The following MARK2 variants were observed in gnomAD, a reference collection of about 807,000 sequenced individuals.
The protein encoded by MARK2 is serine/threonine-protein kinase MARK2.
MARK2 carries 16 observed loss-of-function variants against 89.8 expected under a neutral mutation model. The ratio of observed to expected loss-of-function variants is 0.18; its 90% confidence interval spans 0.12 to 0.27. MARK2 has a LOEUF of 0.27. MARK2 is among the 10% of genes least tolerant of loss of function. The pLI is 1.00. For synonymous variants in MARK2, 382 were observed against 399.5 expected, an observed-to-expected ratio of 0.96 and a Z score of 0.52; for missense variants, 621 against 1,049.9, an observed-to-expected ratio of 0.59 and a Z score of 5.65.
intron 18 of MARK2, among the ~76,000 whole-genome samples, chr11:63,908,668 C>A (rs893602364): frequency 6.6e-6 from 1 of 152,170 alleles, no homozygotes; most frequent in African/African-American, 2.4e-5. Flanking sequence ...CCCGCCTACC[C>A]CAAGGCTGGC....
rs760780052 is a variant in MARK2, at chr11:63,895,260, C to G, written c.156C>G (p.Asn52Lys). The change falls in exon 2 of 19, where the codon AAC (asparagine) becomes AAG (lysine). Residue 52 changes from asparagine (N) to lysine (K), a missense_variant. Asn to Lys is a moderately conservative substitution (Grantham distance 94, BLOSUM62 0). Transcript: ENST00000402010. ...TSADEQPHIG[N>K]YRLLKTIGKG... ...CTGATGAGCAGCCCCACATTGGAAA[C>G]TACCGGCTCCTCAAGACCATTGGCA... 4 of 1,614,146 alleles carry G rather than the reference C, an allele frequency of 2.5e-6. No homozygotes were observed. The highest frequency in any genetic ancestry group is 3.4e-6 in the Non-Finnish European group (4 of 1,180,022).
At chr11:63,869,915 G>A in intron 1 of MARK2, among the ~76,000 whole-genome samples, 1 of 150,750 alleles carries the variant, frequency 6.6e-6, no homozygotes, top group East Asian at 1.9e-4. Context: ...CATCCATACA[G>A]GAAGACACTC....
rs1378728417 is a variant in MARK2, at chr11:63,910,335, C to G, written c.*1098C>G. 6.6e-6 allele frequency: 1 copy of G among 152,526 alleles called. No individual in the cohort carries two copies. Among genetic ancestry groups the G allele is most frequent in the Non-Finnish European group, 1.5e-5 (1 of 68,266 alleles). The allele number at this position is 152,526 out of a possible 1,614,324, so 9.4% of individuals were successfully genotyped here. Reference sequence around the variant, plus strand: ...GCCTTTTCTTCCTGACACTGTCGCCCCCTCCTCTCAGGAGACACTGCCGAG... The same window carrying G: ...GCCTTTTCTTCCTGACACTGTCGCCGCCTCCTCTCAGGAGACACTGCCGAG... On this transcript the variant is annotated 3_prime_UTR_variant, in exon 19 of 19. Transcript: ENST00000402010.
At chr11:63,859,540 T>C (rs1472371411) in intron 1 of MARK2, among the ~76,000 whole-genome samples, 1 of 152,056 alleles carries the variant, frequency 6.6e-6, no homozygotes, top group South Asian at 2.1e-4. Flanking sequence ...AGGCTGGTCT[T>C]GAATTCCTGA....
At chr11:63,892,363 T>C (rs932713755) in intron 1 of MARK2, among the ~76,000 whole-genome samples, 2 of 152,184 alleles carry the variant, frequency 1.3e-5, no homozygotes, top group East Asian at 1.9e-4. Context: ...ATCAGGATAC[T>C]GTACTTAACT....
rs202098201 is a variant in MARK2, at chr11:63,861,920, C to CTTT, written c.54+22361_54+22363dup. ...CCATGCCTGGCTAATTTCTTTCTTT[C>CTTT]TTTCTTTTTTTTTTTTTTTTGAGAC... On this transcript the variant is annotated intron_variant, in intron 1 of 18. Transcript: ENST00000402010. Among the ~76,000 whole-genome samples the CTTT allele has an allele frequency of 1.1e-4, 12 of 110,126 alleles. 1 individual carries two copies. The highest frequency in any genetic ancestry group is 5.7e-4 in the East Asian group (2 of 3,498). 72.2% of individuals were successfully genotyped at this position (110,126 alleles called of 152,430 possible).
chr11:63,908,620 C>T (rs1444541996), intron 18 of MARK2, among the ~76,000 whole-genome samples: 3 of 152,312 alleles, frequency 2.0e-5, no homozygotes, highest in African/African-American at 4.8e-5. Context: ...AGTCTGTGCT[C>T]GTGCTGTTGA....
intron 1 of MARK2, among the ~76,000 whole-genome samples, chr11:63,850,800 CCTTT>C (rs1258978556): frequency 1.3e-5 from 2 of 152,040 alleles, no homozygotes; most frequent in Non-Finnish European, 2.9e-5. Flanking sequence ...CCATCATGTT[CCTTT>C]CTTTTTTCTT....
At chr11:63,890,164 T>C in intron 1 of MARK2, 3 of 1,157,832 alleles carry the variant, frequency 2.6e-6, no homozygotes, top group Admixed American at 4.3e-5. Context: ...CCAAGAAGCA[T>C]TTCTGTTGGA....
chr11:63,889,325 A>G (rs1270574763), intron 1 of MARK2, among the ~76,000 whole-genome samples: 3 of 152,170 alleles, frequency 2.0e-5, no homozygotes, highest in Non-Finnish European at 4.4e-5. Flanking sequence ...CCAACTCTAT[A>G]GTGCCTGGCT....
intron 6 of MARK2, 105 bp downstream of exon 6, chr11:63,898,938 G>A: frequency 8.0e-7 from 1 of 1,242,792 alleles, no homozygotes; most frequent in Non-Finnish European, 1.2e-6. Flanking sequence ...AGGGTACTTT[G>A]GGCTCTGCTT....
Position 63,907,989 on chromosome 11 carries a change from G to A in MARK2, c.1962-271G>A, listed in dbSNP as rs537687287. On this transcript the variant is annotated intron_variant, in intron 17 of 18. Coordinates refer to ENST00000402010, the MANE Select transcript of MARK2 (RefSeq NM_001039469.3). ...CAGCCACTCCCCCTCCTCCCCCAGAGCAGAGGCTCCTTCTCCCCGGCACAG... is the reference window on the plus strand; with the variant it reads ...CAGCCACTCCCCCTCCTCCCCCAGAACAGAGGCTCCTTCTCCCCGGCACAG... Among the ~76,000 whole-genome samples, 4 of 152,348 alleles carry A rather than the reference G, an allele frequency of 2.6e-5. No individual in the cohort carries two copies. In the East Asian group the frequency reaches 7.7e-4, roughly 29 times the overall value.
chr11:63,855,122 A>G (rs1002894708), intron 1 of MARK2, among the ~76,000 whole-genome samples: 1 of 152,086 alleles, frequency 6.6e-6, no homozygotes, highest in Non-Finnish European at 1.5e-5. Context: ...AAATTAATGA[A>G]TGTGATTTTT....
intron 1 of MARK2, among the ~76,000 whole-genome samples, chr11:63,892,426 G>A (rs1691865790): frequency 6.6e-6 from 1 of 152,124 alleles, no homozygotes; most frequent in Non-Finnish European, 1.5e-5. Context: ...CAAGCTTCTT[G>A]TCTAGGAATG....
At chr11:63,887,174 C>G (rs1939450888) in intron 1 of MARK2, among the ~76,000 whole-genome samples, 1 of 152,156 alleles carries the variant, frequency 6.6e-6, no homozygotes, top group African/African-American at 2.4e-5. Flanking sequence ...GAGGAGGAGC[C>G]AGGGGCTTAT....
chr11:63,907,642 T>C lies in MARK2; in HGVS notation c.1962-618T>C, dbSNP rs562290872. 2.1e-5 allele frequency among the ~76,000 whole-genome samples: 3 copies of C among 141,574 alleles called. No individual in the cohort carries two copies. In the East Asian group the frequency reaches 7.0e-4, roughly 33 times the overall value. 92.9% of individuals were successfully genotyped at this position (141,574 alleles called of 152,430 possible). A position where few individuals can be genotyped will look rare whatever the true frequency, so the allele number is the denominator to read the frequency against. On this transcript the variant is annotated intron_variant, in intron 17 of 18. Coordinates refer to ENST00000402010, the MANE Select transcript of MARK2 (RefSeq NM_001039469.3). ...GCAGATGGCCTGGCAGGCCAGCAGG[T>C]AGGGGAGTTGGGAAAGGTCGGAGGA...
At chr11:63,874,170 A>G (rs1466622950) in intron 1 of MARK2, among the ~76,000 whole-genome samples, 5 of 152,068 alleles carry the variant, frequency 3.3e-5, no homozygotes, top group Admixed American at 6.6e-5. Flanking sequence ...CTGGTTAGAG[A>G]GGATGACTTT....
chr11:63,908,854 G>A, intron 18 of MARK2, 23 bp from the exon 19 acceptor site: 1 of 1,426,180 alleles, frequency 7.0e-7, no homozygotes, highest in South Asian at 1.7e-5. Flanking sequence ...CCCCCGTGAC[G>A]CCCGCCTCTG....
intron 1 of MARK2, among the ~76,000 whole-genome samples, chr11:63,859,269 CTTTTTGTT>C (rs916795521): frequency 1.3e-5 from 2 of 150,704 alleles, no homozygotes; most frequent in African/African-American, 4.9e-5. Context: ...TACTTTGTTT[CTTTTTGTT>C]TCTTTTCCTT....
Sources: allele counts gnomAD v4.1 joint callset (sites outside exome capture counted in the v4.1 genomes callset), GRCh38; gene constraint gnomAD v4.1.1; transcripts MANE v1.5; gene names NCBI Gene and HGNC (gene_info 2026-07-23, HGNC 2026-07-21).